The following RBM47 variants were observed in gnomAD, a reference collection of about 807,000 sequenced individuals.
RBM47 encodes RNA binding motif protein 47, also known as RNA-binding protein 47.
A neutral mutation model predicts 47.1 loss-of-function variants in RBM47; 21 were observed. The observed-to-expected ratio is 0.45, with a 90% CI of 0.32 to 0.64. The LOEUF is 0.64. Ranked by LOEUF, RBM47 falls within the 30% of genes least tolerant of loss-of-function variation. The pLI is 0.05. For synonymous variants in RBM47, 375 were observed against 361.7 expected (o/e 1.04, Z -0.42); for missense variants, 708 against 870.9 (o/e 0.81, Z 2.35).
chr4:40,621,018 A>C (rs1368253770), intron 1 of RBM47, among the ~76,000 whole-genome samples: 2 of 151,796 alleles, frequency 1.3e-5, no homozygotes, highest in Admixed American at 6.5e-5. Context: ...AAAAAAAAAA[A>C]ACCCAAAATC....
chr4:40,551,027 GC>G (rs1482596550), intron 1 of RBM47, among the ~76,000 whole-genome samples: 1 of 152,078 alleles, frequency 6.6e-6, no homozygotes, highest in African/African-American at 2.4e-5. Context: ...TGAACAAGCT[GC>G]CCTCTTGTGG....
intron 1 of RBM47, among the ~76,000 whole-genome samples, chr4:40,590,067 A>G (rs1199920059): frequency 6.6e-6 from 1 of 152,140 alleles, no homozygotes; most frequent in Admixed American, 6.6e-5. Flanking sequence ...GCCTTTCCCC[A>G]AACATTAGGG....
chr4:40,474,269 A>C (rs966103766), intron 2 of RBM47, among the ~76,000 whole-genome samples: 3 of 152,128 alleles, frequency 2.0e-5, no homozygotes, highest in Non-Finnish European at 4.4e-5. Context: ...TGGAACCGAG[A>C]AGCAGCACTG....
intron 3 of RBM47, among the ~76,000 whole-genome samples, chr4:40,452,340 T>A (rs1715571229): frequency 6.6e-6 from 1 of 152,126 alleles, no homozygotes; most frequent in Non-Finnish European, 1.5e-5. Flanking sequence ...GTGAAGGGTC[T>A]AAGTCTCTCA....
intron 2 of RBM47, among the ~76,000 whole-genome samples, chr4:40,509,746 C>T (rs191812476): frequency 1.0e-4 from 14 of 140,614 alleles, no homozygotes; most frequent in African/African-American, 2.5e-4. Flanking sequence ...ATTCTCCAGG[C>T]GTGGTGGCGG....
At chr4:40,582,904 A>G (rs927112550) in intron 1 of RBM47, among the ~76,000 whole-genome samples, 1 of 152,196 alleles carries the variant, frequency 6.6e-6, no homozygotes, top group Non-Finnish European at 1.5e-5. Flanking sequence ...ACTCTATCAG[A>G]GCAACTGTAA....
intron 1 of RBM47, among the ~76,000 whole-genome samples, chr4:40,579,868 C>A (rs1732715189): frequency 6.6e-6 from 1 of 152,044 alleles, no homozygotes; most frequent in Non-Finnish European, 1.5e-5. Context: ...CTACCTCAGT[C>A]TCCCATGTAG....
chr4:40,429,603 C>T (rs574042551), intron 6 of RBM47, among the ~76,000 whole-genome samples: 5 of 144,808 alleles, frequency 3.5e-5, no homozygotes, highest in African/African-American at 5.2e-5. Context: ...GCAGGAGAAT[C>T]GCTTGAACCC....
intron 2 of RBM47, among the ~76,000 whole-genome samples, chr4:40,527,608 G>T (rs1395109198): frequency 6.6e-6 from 1 of 151,562 alleles, no homozygotes. Context: ...TGTATTTTTA[G>T]TAAAGGCGGG....
chr4:40,487,428 T>C (rs879655493), intron 2 of RBM47, among the ~76,000 whole-genome samples: 1 of 152,242 alleles, frequency 6.6e-6, no homozygotes, highest in Non-Finnish European at 1.5e-5. Flanking sequence ...TAGCTGGGTC[T>C]ACAGGTGTGC....
chr4:40,551,050 T>C (rs895292469), intron 1 of RBM47, among the ~76,000 whole-genome samples: 7 of 152,220 alleles, frequency 4.6e-5, no homozygotes, highest in Non-Finnish European at 1.0e-4. Flanking sequence ...TCTGATATAT[T>C]TCCTGAGCAC....
At chr4:40,513,137 T>C (rs946113170) in intron 2 of RBM47, among the ~76,000 whole-genome samples, 1 of 152,218 alleles carries the variant, frequency 6.6e-6, no homozygotes, top group Non-Finnish European at 1.5e-5. Context: ...ACAGCGAAGT[T>C]TGTCCTGTGG....
At chr4:40,489,485 AG>A (rs1267335225) in intron 2 of RBM47, among the ~76,000 whole-genome samples, 5 of 152,208 alleles carry the variant, frequency 3.3e-5, no homozygotes, top group Non-Finnish European at 4.4e-5. Flanking sequence ...GGATAAGAGA[AG>A]TGACAACACT....
At chr4:40,454,516 G>T (rs1392020074) in intron 3 of RBM47, among the ~76,000 whole-genome samples, 2 of 151,716 alleles carry the variant, frequency 1.3e-5, no homozygotes, top group African/African-American at 4.8e-5. Flanking sequence ...TTTATTTTTT[G>T]AGATGGAGTC....
chr4:40,444,682 T>C (rs1432883920), intron 3 of RBM47, among the ~76,000 whole-genome samples: 1 of 151,834 alleles, frequency 6.6e-6, no homozygotes, highest in Non-Finnish European at 1.5e-5. Context: ...TTTTTTTTTT[T>C]TAGATGGAGT....
intron 1 of RBM47, among the ~76,000 whole-genome samples, chr4:40,605,225 A>G (rs553891833): frequency 1.3e-5 from 2 of 151,922 alleles, no homozygotes; most frequent in African/African-American, 4.8e-5. Flanking sequence ...GGGTTTCACC[A>G]TATTGGCCAG....
chr4:40,569,016 T>TAGATAGATAGATAGATAGATAGACAGAC (rs1472373539), intron 1 of RBM47, among the ~76,000 whole-genome samples: 1 of 98,806 alleles, frequency 1.0e-5, no homozygotes, highest in African/African-American at 3.5e-5. Context: ...GATAGATAGA[T>TAGATAGATAGATAGATAGATAGACAGAC]AGACAGACAG....
At chr4:40,603,244 G>A (rs34871234) in intron 1 of RBM47, among the ~76,000 whole-genome samples, 47,276 of 151,942 alleles carry the variant, frequency 0.31, 8,077 homozygotes, top group African/African-American at 0.43. Context: ...ACTGAACATG[G>A]GTTTGTGGCT....
chr4:40,584,044 T>A (rs1046080944), intron 1 of RBM47, among the ~76,000 whole-genome samples: 1 of 151,998 alleles, frequency 6.6e-6, no homozygotes, highest in Non-Finnish European at 1.5e-5. Context: ...CAATCTTGGC[T>A]CACTGCAGCC....
Sources: gnomAD v4.1 joint callset for allele counts (sites outside exome capture counted in the v4.1 genomes callset) on GRCh38, gnomAD v4.1.1 for gene constraint, MANE v1.5 for transcripts, NCBI Gene and HGNC (gene_info 2026-07-23, HGNC 2026-07-21) for gene names.